The following OSBPL11 variants were observed in gnomAD, a reference collection of about 807,000 sequenced individuals.
OSBPL11 encodes oxysterol-binding protein-related protein 11.
In OSBPL11, 33 loss-of-function variants were observed where a neutral mutation model predicts 84.4. The observed-to-expected ratio is 0.39, with a 90% confidence interval of 0.30 to 0.52. The LOEUF is 0.52. Among genes scored for constraint, OSBPL11 ranks in the 20% least tolerant of loss-of-function variants. The pLI is 0.72. For missense variants in OSBPL11, 736 were observed against 901.1 expected, an observed-to-expected ratio of 0.82 and a Z score of 2.35; for synonymous variants, 276 against 310.2, an observed-to-expected ratio of 0.89 and a Z score of 1.16.
At position 125,560,407 on chromosome 3, in the gene OSBPL11, T is replaced by C; in HGVS notation, c.1127A>G (p.Gln376Arg). 6.3e-7 allele frequency: 1 copy of C among 1,586,186 alleles called. No homozygotes were observed. Among genetic ancestry groups the C allele is most frequent in the Non-Finnish European group, 8.6e-7 (1 of 1,164,284 alleles). ...TGTTAAATCCATGCCCAGCTTAAGC[T>C]GTGACAAGAGATGTAGGATGACACT... ...QRSVILHLLS[Q>R]LKLGMDLTRV... The change falls in exon 8 of 13, where the codon CAG becomes CGG. Residue 376 changes from glutamine (Q) to arginine (R), a missense_variant. By Grantham distance (43) the Gln-to-Arg change is conservative. Transcript: ENST00000296220.
At chr3:125,548,308 T>A (rs756972581) in intron 9 of OSBPL11, among the ~76,000 whole-genome samples, 2 of 152,222 alleles carry the variant, frequency 1.3e-5, no homozygotes, top group Non-Finnish European at 2.9e-5. Context: ...TATAAAGTCA[T>A]AGACATTCAT....
chr3:125,585,319 T>C (rs1936489185), intron 1 of OSBPL11, among the ~76,000 whole-genome samples: 1 of 151,882 alleles, frequency 6.6e-6, no homozygotes, highest in South Asian at 2.1e-4. Flanking sequence ...TTAGTAGAGA[T>C]GGAGTTTCGT....
At position 125,552,241 on chromosome 3, in the gene OSBPL11, G is replaced by A; in HGVS notation, c.1594C>T (p.His532Tyr). 1 of 1,613,744 alleles carries A rather than the reference G, an allele frequency of 6.2e-7. No individual in the cohort carries two copies. Among genetic ancestry groups the A allele is most frequent in the Non-Finnish European group, 8.5e-7 (1 of 1,179,926 alleles). ...AAGAACTTGCTCTTAGTCCAGACAT[G>A]CGCATTTACACACATCTTCCTCTCT... ...CTERKMCVNA[H>Y]VWTKSKFLGM... The change falls in exon 9 of 13, where the codon CAT becomes TAT. Residue 532 changes from histidine (H) to tyrosine (Y), a missense_variant. His to Tyr is a moderately conservative substitution (Grantham distance 83). Coordinates refer to ENST00000296220, the MANE Select transcript of OSBPL11 (RefSeq NM_022776.5).
At chr3:125,543,123 GATTT>G (rs774105360) in intron 10 of OSBPL11, among the ~76,000 whole-genome samples, 1 of 128,088 alleles carries the variant, frequency 7.8e-6, no homozygotes, top group African/African-American at 3.1e-5. Context: ...GGGCTAGTAA[GATTT>G]TTTTTTTTTT....
chr3:125,531,930 A>C lies in OSBPL11; in HGVS notation c.2109T>G (p.Arg703=), dbSNP rs1398547376. ...TACGATGCCTTTCTTCAGTCCTCTGACGTTCTTCCAGGGTATGCTTATGCT... is the reference window on the plus strand; with the variant it reads ...TACGATGCCTTTCTTCAGTCCTCTGCCGTTCTTCCAGGGTATGCTTATGCT... The part of the protein sequence containing the change: ...ATEHKHTLEE[R]QRTEERHRTE... Residue 703 remains arginine, a synonymous_variant, in exon 12 of 13, where the codon CGT becomes CGG. Coordinates refer to ENST00000296220, the MANE Select transcript of OSBPL11 (RefSeq NM_022776.5). 1 of 1,614,080 alleles carries C rather than the reference A, an allele frequency of 6.2e-7. No homozygotes were observed. The highest frequency in any genetic ancestry group is 8.5e-7 in the Non-Finnish European group (1 of 1,180,014).
chr3:125,592,820 T>G (rs1206813643), intron 1 of OSBPL11, among the ~76,000 whole-genome samples: 2 of 151,754 alleles, frequency 1.3e-5, no homozygotes, highest in Non-Finnish European at 2.9e-5. Flanking sequence ...ATGTAGATGT[T>G]TCACAAAAGA....
intron 1 of OSBPL11, among the ~76,000 whole-genome samples, chr3:125,586,127 G>A (rs1460446189): frequency 6.6e-6 from 1 of 152,090 alleles, no homozygotes; most frequent in South Asian, 2.1e-4. Flanking sequence ...TATTTTTAAT[G>A]TGTGTCTGTT....
chr3:125,577,260 C>T (rs1288385627), intron 4 of OSBPL11, among the ~76,000 whole-genome samples: 1 of 152,030 alleles, frequency 6.6e-6, no homozygotes, highest in Non-Finnish European at 1.5e-5. Flanking sequence ...GTACGAAATC[C>T]TTTAAATATG....
chr3:125,537,841 T>C (rs1935664540), intron 11 of OSBPL11, among the ~76,000 whole-genome samples: 1 of 152,200 alleles, frequency 6.6e-6, no homozygotes, highest in African/African-American at 2.4e-5. Context: ...AAGCTGTACC[T>C]TATTAACACG....
intron 7 of OSBPL11, 116 bp downstream of exon 7, chr3:125,563,579 TCAA>T: frequency 1.0e-6 from 1 of 952,528 alleles, no homozygotes; most frequent in Non-Finnish European, 1.6e-6. Context: ...TTTAGAATCT[TCAA>T]GAGTGTTGCT....
chr3:125,593,250 C>G lies in OSBPL11; in HGVS notation c.164+1387G>C, dbSNP rs560009871. On this transcript the variant is annotated intron_variant, in intron 1 of 12. Coordinates refer to ENST00000296220, the MANE Select transcript of OSBPL11 (RefSeq NM_022776.5). ...GTCACACACATACAAAAAAATCATG[C>G]TGATTCCAAAAGCGGGCCTAGACCT... Among the ~76,000 whole-genome samples the G allele has an allele frequency of 2.0e-4, 30 of 152,286 alleles. No homozygotes were observed. The South Asian group carries it at 4.1e-3, about 21-fold the overall frequency.
At chr3:125,585,082 T>G (rs1040328644) in intron 1 of OSBPL11, among the ~76,000 whole-genome samples, 13 of 152,150 alleles carry the variant, frequency 8.5e-5, no homozygotes, top group Non-Finnish European at 1.8e-4. Context: ...TTTTTTAAAG[T>G]GTACAATTTC....
intron 8 of OSBPL11, among the ~76,000 whole-genome samples, chr3:125,556,485 C>G (rs71325853): frequency 2.4e-4 from 37 of 152,174 alleles, no homozygotes; most frequent in Non-Finnish European, 5.1e-4. Flanking sequence ...ACTGAAAATA[C>G]TGAGCAGCTC....
intron 8 of OSBPL11, among the ~76,000 whole-genome samples, chr3:125,555,135 G>A (rs1935973422): frequency 6.6e-6 from 1 of 152,200 alleles, no homozygotes; most frequent in African/African-American, 2.4e-5. Flanking sequence ...GGAAGGACTA[G>A]ACTTGCTGAG....
chr3:125,560,208 C>A (rs1936054301), intron 8 of OSBPL11, among the ~76,000 whole-genome samples, 171 bp downstream of exon 8: 1 of 152,030 alleles, frequency 6.6e-6, no homozygotes, highest in Admixed American at 6.5e-5. Context: ...TTGCAGTGAG[C>A]CGAGATCGCA....
At chr3:125,573,184 T>TTAAAAG in intron 5 of OSBPL11, among the ~76,000 whole-genome samples, 1 of 152,110 alleles carries the variant, frequency 6.6e-6, no homozygotes. Flanking sequence ...GATGGTTCCT[T>TTAAAAG]GATACTATAA....
chr3:125,531,573 G>A (rs1200170550), intron 12 of OSBPL11, among the ~76,000 whole-genome samples: 1 of 152,076 alleles, frequency 6.6e-6, no homozygotes, highest in Non-Finnish European at 1.5e-5. Context: ...TTACAGGCAT[G>A]AGCCACCGAG....
chr3:125,593,891 C>A (rs1936640334), intron 1 of OSBPL11, among the ~76,000 whole-genome samples: 1 of 152,144 alleles, frequency 6.6e-6, no homozygotes, highest in Non-Finnish European at 1.5e-5. Context: ...TTGTTTCATT[C>A]ATTCTTAAGG....
chr3:125,554,285 A>G (rs1319242130), intron 8 of OSBPL11, among the ~76,000 whole-genome samples: 11 of 152,218 alleles, frequency 7.2e-5, no homozygotes, highest in Non-Finnish European at 1.3e-4. Flanking sequence ...AACTCCATAT[A>G]AACTAAACGT....
Sources: gnomAD v4.1 joint callset for allele counts (sites outside exome capture counted in the v4.1 genomes callset) on GRCh38, gnomAD v4.1.1 for gene constraint, MANE v1.5 for transcripts, NCBI Gene and HGNC (gene_info 2026-07-23, HGNC 2026-07-21) for gene names.